The following STX8 variants were observed in gnomAD, a reference collection of about 807,000 sequenced individuals.
The protein encoded by STX8 is syntaxin 8.
Under a neutral mutation model 37.5 loss-of-function variants are expected in STX8, and 23 were observed. That is an observed-to-expected ratio of 0.61 (90% CI 0.44 to 0.87). STX8 has a LOEUF of 0.87. STX8 is among the 40% of genes least tolerant of loss of function. The probability of loss-of-function intolerance (pLI) is 0.00; values close to 1 mark genes in which losing one functional copy is unlikely to be tolerated. For missense variants in STX8, 313 were observed against 284.7 expected, an observed-to-expected ratio of 1.10 and a Z score of -0.71; for synonymous variants, 115 against 99.1, an observed-to-expected ratio of 1.16 and a Z score of -0.95.
intron 6 of STX8, among the ~76,000 whole-genome samples, chr17:9,446,707 TG>T (rs2142395304): frequency 6.6e-6 from 1 of 152,296 alleles, no homozygotes; most frequent in African/African-American, 2.4e-5. Context: ...TGCTTTTCAG[TG>T]AAAAGGTTTG....
At chr17:9,288,101 G>C (rs1445457964) in intron 7 of STX8, among the ~76,000 whole-genome samples, 3 of 111,622 alleles carry the variant, frequency 2.7e-5, no homozygotes, top group Admixed American at 1.9e-4. Flanking sequence ...TTGACAAGGG[G>C]GGGGGGGGGG....
At chr17:9,439,488 T>A (rs1220781067) in intron 6 of STX8, among the ~76,000 whole-genome samples, 1 of 152,050 alleles carries the variant, frequency 6.6e-6, no homozygotes, top group Non-Finnish European at 1.5e-5. Context: ...CTCCACACTA[T>A]AATAACTAAT....
At chr17:9,546,591 G>GTTTGTTT (rs1906529737) in intron 3 of STX8, among the ~76,000 whole-genome samples, 5 of 52,204 alleles carry the variant, frequency 9.6e-5, no homozygotes, top group African/African-American at 3.3e-4. Flanking sequence ...TACAAAAGTG[G>GTTTGTTT]TTTTTTTTTT....
At chr17:9,357,832 T>A (rs1910937579) in intron 7 of STX8, among the ~76,000 whole-genome samples, 1 of 152,262 alleles carries the variant, frequency 6.6e-6, no homozygotes, top group Admixed American at 6.5e-5. Context: ...TTCAATTGTT[T>A]TATTGACAAA....
intron 6 of STX8, among the ~76,000 whole-genome samples, chr17:9,475,124 G>A (rs1030754025): frequency 2.0e-5 from 3 of 152,190 alleles, no homozygotes; most frequent in African/African-American, 4.8e-5. Flanking sequence ...AGCACACATG[G>A]TTGCCTCCTT....
chr17:9,418,532 CA>C (rs1211845780), intron 6 of STX8, among the ~76,000 whole-genome samples: 37 of 122,678 alleles, frequency 3.0e-4, no homozygotes, highest in East Asian at 4.9e-4. Context: ...AAAAAAAAAA[CA>C]AAAAAAAAAA....
chr17:9,276,726 C>T (rs546956879), intron 7 of STX8, among the ~76,000 whole-genome samples: 2 of 151,254 alleles, frequency 1.3e-5, no homozygotes, highest in African/African-American at 4.9e-5. Flanking sequence ...ACCTCTACCT[C>T]CTGGATTCAA....
chr17:9,551,943 T>G (rs1332552745), intron 3 of STX8, among the ~76,000 whole-genome samples: 1 of 151,412 alleles, frequency 6.6e-6, no homozygotes, highest in Non-Finnish European at 1.5e-5. Context: ...TTGCCAGGTA[T>G]GGATGTTCAA....
chr17:9,499,557 G>A (rs1442763373), intron 5 of STX8, among the ~76,000 whole-genome samples: 4 of 152,008 alleles, frequency 2.6e-5, no homozygotes, highest in Admixed American at 6.6e-5. Flanking sequence ...CGCCACGGAC[G>A]CCCAGCTAAT....
intron 7 of STX8, among the ~76,000 whole-genome samples, chr17:9,342,958 T>G (rs1222474378): frequency 1.4e-5 from 2 of 145,502 alleles, no homozygotes; most frequent in African/African-American, 5.2e-5. Context: ...GAGGCGGAGG[T>G]TGCAGTGAGC....
chr17:9,275,485 G>A (rs1310023921), intron 7 of STX8, among the ~76,000 whole-genome samples: 1 of 152,146 alleles, frequency 6.6e-6, no homozygotes, highest in East Asian at 1.9e-4. Context: ...AGAGGTGTAA[G>A]TCTGCTGGAG....
At chr17:9,367,051 T>A (rs564406209) in intron 7 of STX8, among the ~76,000 whole-genome samples, 1 of 152,270 alleles carries the variant, frequency 6.6e-6, no homozygotes, top group African/African-American at 2.4e-5. Flanking sequence ...TTTCTGATAC[T>A]TTACTGGAAA....
chr17:9,496,706 T>C (rs912125579), intron 5 of STX8, among the ~76,000 whole-genome samples: 4 of 152,176 alleles, frequency 2.6e-5, no homozygotes, highest in Non-Finnish European at 4.4e-5. Context: ...ATTATCCAGG[T>C]GGATCCAGTA....
chr17:9,345,525 A>T lies in STX8; in HGVS notation c.643+33027T>A, dbSNP rs113153805. ...CTTAAATGACTCTCTAAATGAGAGC[A>T]CAATTAAATAATTTCACAGAAGTAG... is the stretch of plus-strand genomic sequence containing the variant. On this transcript the variant is annotated intron_variant, in intron 7 of 7. Coordinates refer to ENST00000306357, the MANE Select transcript of STX8 (RefSeq NM_004853.3). Among the ~76,000 whole-genome samples the T allele has an allele frequency of 6.5e-3, 994 of 152,300 alleles. 7 individuals carry two copies. The highest frequency in any genetic ancestry group is 0.01 in the Non-Finnish European group (704 of 68,030).
At chr17:9,433,146 C>T (rs755742797) in intron 6 of STX8, among the ~76,000 whole-genome samples, 21 of 152,220 alleles carry the variant, frequency 1.4e-4, no homozygotes, top group Non-Finnish European at 2.8e-4. Context: ...AAATCACCAT[C>T]GTCATAATGC....
Position 9,552,588 on chromosome 17 carries a change from T to C in STX8, c.212+4846A>G, listed in dbSNP as rs188951031. On this transcript the variant is annotated intron_variant, in intron 3 of 7. Transcript: ENST00000306357. ...ATCACCACATCTGTCTATGCACTTA[T>C]CTATCTACTTACCTATCTTTGTTTT... Among the ~76,000 whole-genome samples, 52 of 152,246 alleles carry C rather than the reference T, an allele frequency of 3.4e-4. No homozygotes were observed. The East Asian group carries it at 9.1e-3, about 27-fold the overall frequency.
intron 4 of STX8, among the ~76,000 whole-genome samples, chr17:9,542,886 T>C (rs1268717512): frequency 6.6e-6 from 1 of 152,036 alleles, no homozygotes; most frequent in East Asian, 1.9e-4. Flanking sequence ...CAAGTCACAC[T>C]GTAAAGGACA....
chr17:9,512,994 C>A (rs1905063871), intron 4 of STX8, among the ~76,000 whole-genome samples: 1 of 152,136 alleles, frequency 6.6e-6, no homozygotes, highest in Non-Finnish European at 1.5e-5. Flanking sequence ...TCAGACCTCA[C>A]AAGCACAGGC....
intron 6 of STX8, among the ~76,000 whole-genome samples, chr17:9,452,681 G>A (rs1905079641): frequency 6.6e-6 from 1 of 152,112 alleles, no homozygotes; most frequent in Admixed American, 6.5e-5. Context: ...CCCTTGAAAG[G>A]TTGTCACATG....
Sources: allele counts gnomAD v4.1 joint callset (sites outside exome capture counted in the v4.1 genomes callset), GRCh38; gene constraint gnomAD v4.1.1; transcripts MANE v1.5; gene names NCBI Gene and HGNC (gene_info 2026-07-23, HGNC 2026-07-21).